The following LUZP2 variants were observed in gnomAD, a reference collection of about 807,000 sequenced individuals.
LUZP2 encodes leucine zipper protein 2.
In LUZP2, 52 loss-of-function variants were observed where a neutral mutation model predicts 51.6. The ratio of observed to expected loss-of-function variants is 1.01; its 90% CI spans 0.81 to 1.27. LUZP2 has a LOEUF of 1.27. LUZP2 is among the 50% of genes most tolerant of loss of function. The probability of loss-of-function intolerance (pLI) is 0.00; values close to 1 mark genes in which losing one functional copy is unlikely to be tolerated. For synonymous variants in LUZP2, 154 were observed against 137.3 expected, an observed-to-expected ratio of 1.12 and a Z score of -0.85; for missense variants, 436 against 395.4, an observed-to-expected ratio of 1.10 and a Z score of -0.87.
intron 7 of LUZP2, among the ~76,000 whole-genome samples, chr11:24,951,428 TAGAA>T (rs1855075692): frequency 6.6e-6 from 1 of 151,546 alleles, no homozygotes; most frequent in African/African-American, 2.4e-5. Flanking sequence ...AGCCAATAAA[TAGAA>T]AAAGAACAAT....
chr11:24,758,166 G>A lies in LUZP2; in HGVS notation c.334-5080G>A, dbSNP rs191159967. On this transcript the variant is annotated intron_variant, in intron 4 of 11. Transcript: ENST00000336930. ...AAAAATTCTGAATAAACAAATCTAA[G>A]AGTATATTAACAAAATACACATCAT... Among the ~76,000 whole-genome samples the A allele has an allele frequency of 2.4e-4, 37 of 152,084 alleles. No individual in the cohort carries two copies. The East Asian group carries it at 4.4e-3, about 18-fold the overall frequency.
intron 5 of LUZP2, among the ~76,000 whole-genome samples, chr11:24,814,778 A>G (rs187725563): frequency 1.1e-3 from 168 of 152,196 alleles, no homozygotes; most frequent in African/African-American, 3.9e-3. Flanking sequence ...GGATCACGAG[A>G]TCAGGAGATC....
At chr11:24,924,668 G>T (rs144099203) in intron 7 of LUZP2, among the ~76,000 whole-genome samples, 1 of 152,268 alleles carries the variant, frequency 6.6e-6, no homozygotes, top group African/African-American at 2.4e-5. Flanking sequence ...TGCTCAAGGT[G>T]GTTGAGCTAC....
intron 7 of LUZP2, among the ~76,000 whole-genome samples, chr11:24,928,578 C>A (rs1027193115): frequency 8.6e-5 from 13 of 151,906 alleles, no homozygotes; most frequent in Non-Finnish European, 1.8e-4. Flanking sequence ...TGGTATGAAA[C>A]CCAGTTTGTC....
At chr11:25,046,723 T>C (rs1268568938) in intron 9 of LUZP2, among the ~76,000 whole-genome samples, 4 of 152,156 alleles carry the variant, frequency 2.6e-5, no homozygotes, top group African/African-American at 4.8e-5. Context: ...CAAAATATTA[T>C]CTATAAAACT....
At chr11:24,646,656 AATTATTTCCCAC>A in intron 1 of LUZP2, 1 of 938,264 alleles carries the variant, frequency 1.1e-6, no homozygotes, top group Non-Finnish European at 1.3e-6. Flanking sequence ...CAAGAAAGCA[AATTATTTCCCAC>A]AACTCCCCAA....
At chr11:24,928,590 T>C (rs1854348238) in intron 7 of LUZP2, among the ~76,000 whole-genome samples, 1 of 152,134 alleles carries the variant, frequency 6.6e-6, no homozygotes, top group Non-Finnish European at 1.5e-5. Context: ...CAGTTTGTCA[T>C]GGTGGATTAT....
intron 9 of LUZP2, among the ~76,000 whole-genome samples, chr11:25,029,787 C>T (rs1311227777): frequency 1.7e-5 from 2 of 119,122 alleles, no homozygotes; most frequent in Non-Finnish European, 3.4e-5. Context: ...AAGTACCTTA[C>T]ATTTTATTTT....
At position 24,599,226 on chromosome 11, in the gene LUZP2, A is replaced by G. The variant is rs77507785; in HGVS notation, c.62+101921A>G. On this transcript the variant is annotated intron_variant, in intron 1 of 11. Coordinates refer to ENST00000336930, the MANE Select transcript of LUZP2 (RefSeq NM_001009909.4). ...AAAAGATGCTGAAAAAGAGATTCTAAAGAGAAACTACTTTTCCAGAGTCAA... is the reference window on the plus strand; with the variant it reads ...AAAAGATGCTGAAAAAGAGATTCTAGAGAGAAACTACTTTTCCAGAGTCAA... 3.5e-3 allele frequency among the ~76,000 whole-genome samples: 531 copies of G among 152,228 alleles called. 24 individuals are homozygous for G. In the East Asian group the frequency reaches 0.079, roughly 23 times the overall value.
intron 1 of LUZP2, among the ~76,000 whole-genome samples, chr11:24,556,533 G>A (rs1851874695): frequency 6.6e-6 from 1 of 152,136 alleles, no homozygotes; most frequent in African/African-American, 2.4e-5. Context: ...TTCATGAAGG[G>A]TGTGGTATAT....
chr11:25,028,801 G>A (rs1371602958), intron 9 of LUZP2, among the ~76,000 whole-genome samples: 2 of 151,432 alleles, frequency 1.3e-5, no homozygotes, highest in Non-Finnish European at 2.9e-5. Flanking sequence ...CAATTCCTCT[G>A]TCATATTCCT....
At chr11:24,972,580 G>A (rs1855772647) in intron 7 of LUZP2, among the ~76,000 whole-genome samples, 1 of 152,040 alleles carries the variant, frequency 6.6e-6, no homozygotes, top group South Asian at 2.1e-4. Flanking sequence ...CAACAATGTT[G>A]TCCTTCTATT....
At chr11:24,998,927 A>G (rs1430038658) in intron 9 of LUZP2, among the ~76,000 whole-genome samples, 2 of 152,198 alleles carry the variant, frequency 1.3e-5, no homozygotes, top group Admixed American at 6.5e-5. Flanking sequence ...ATAGTTTAAA[A>G]TTTTAAAACT....
At chr11:24,710,018 C>A (rs1348056741) in intron 1 of LUZP2, among the ~76,000 whole-genome samples, 1 of 152,160 alleles carries the variant, frequency 6.6e-6, no homozygotes, top group African/African-American at 2.4e-5. Context: ...TAGAAATGTG[C>A]TCCTCTGATG....
rs1848821790 is a variant in LUZP2, at chr11:24,773,702, TC to T, written c.396+10395del. Among the ~76,000 whole-genome samples the T allele has an allele frequency of 3.3e-5, 5 of 152,152 alleles. No individual in the cohort carries two copies. The South Asian group carries it at 1.0e-3, about 31-fold the overall frequency. ...GTGGTTGTACATGCTATTACACATG[TC>T]TCATGTCTCAGTAGCATTTAAAATC... is the stretch of plus-strand genomic sequence containing the variant. On this transcript the variant is annotated intron_variant, in intron 5 of 11. Transcript: ENST00000336930.
chr11:25,005,911 C>T (rs1269260033), intron 9 of LUZP2, among the ~76,000 whole-genome samples: 3 of 152,058 alleles, frequency 2.0e-5, no homozygotes, highest in Non-Finnish European at 1.5e-5. Context: ...GGGATCTTAC[C>T]CCTGTCCTAT....
chr11:24,738,094 G>T, intron 3 of LUZP2, 127 bp from the exon 4 acceptor site: 1 of 551,314 alleles, frequency 1.8e-6, no homozygotes. Context: ...CTTAACTGTG[G>T]CTTTATGCAC....
In LUZP2 at chr11:25,053,849, T is replaced by C. The variant is rs1858598374; in HGVS notation, c.858+3719T>C. Among the ~76,000 whole-genome samples the C allele has an allele frequency of 2.0e-5, 3 of 152,162 alleles. 1 individual carries two copies. In the South Asian group the frequency reaches 6.2e-4, roughly 32 times the overall value. ...CTGGGTTTGATGATAAGTTTATGCT[T>C]ATATTGAAAAATTGGTACATTCTTT... On this transcript the variant is annotated intron_variant, in intron 10 of 11. Transcript: ENST00000336930.
chr11:24,566,834 TATATAAGGTATATATAC>T (rs1248714123), intron 1 of LUZP2, among the ~76,000 whole-genome samples: 1 of 145,440 alleles, frequency 6.9e-6, no homozygotes, highest in Non-Finnish European at 1.5e-5. Flanking sequence ...TACATATTTA[TATATAAGGTATATATAC>T]ATATATAATG....
Sources: allele counts gnomAD v4.1 joint callset (sites outside exome capture counted in the v4.1 genomes callset), GRCh38; gene constraint gnomAD v4.1.1; transcripts MANE v1.5; gene names NCBI Gene and HGNC (gene_info 2026-07-23, HGNC 2026-07-21).